Variants in KLHL1 observed in about 807,000 individuals in gnomAD.
KLHL1 encodes the protein kelch-like protein 1.
KLHL1 carries 47 observed loss-of-function variants against 77.7 expected under a neutral mutation model. That is an observed-to-expected ratio of 0.60 (90% CI 0.48 to 0.77). The LOEUF is 0.77. Among genes scored for constraint, KLHL1 ranks in the 30% least tolerant of loss-of-function variants. The pLI, the probability that KLHL1 is intolerant of heterozygous loss-of-function variation, is 0.00. For synonymous variants in KLHL1, 360 were observed against 325.2 expected (o/e 1.11, Z -1.15); for missense variants, 925 against 910.8 (o/e 1.02, Z -0.20).
At chr13:69,781,389 T>A (rs569021504) in intron 7 of KLHL1, among the ~76,000 whole-genome samples, 3 of 151,832 alleles carry the variant, frequency 2.0e-5, no homozygotes, top group African/African-American at 7.3e-5. Context: ...TGAAAATGTC[T>A]TTTTGTTTCT....
chr13:70,076,774 C>T (rs899517423), intron 1 of KLHL1, among the ~76,000 whole-genome samples: 1 of 151,728 alleles, frequency 6.6e-6, no homozygotes, highest in Non-Finnish European at 1.5e-5. Context: ...ACACAAAGAA[C>T]TCCAAAACAC....
chr13:70,107,091 T>G, intron 1 of KLHL1, 112 bp downstream of exon 1: 1 of 1,478,772 alleles, frequency 6.8e-7, no homozygotes, highest in Non-Finnish European at 9.0e-7. Context: ...TGGCATCTCT[T>G]AACCCACATT....
chr13:70,090,996 A>G (rs1273855424), intron 1 of KLHL1, among the ~76,000 whole-genome samples: 1 of 152,020 alleles, frequency 6.6e-6, no homozygotes, highest in Non-Finnish European at 1.5e-5. Context: ...TCTTTCTGTC[A>G]TCAGATCACC....
rs146458526 is a variant in KLHL1, at chr13:69,766,809, G to C, written c.1640-26253C>G. Among the ~76,000 whole-genome samples, 244 of 152,168 alleles carry C rather than the reference G, an allele frequency of 1.6e-3. 5 individuals carry two copies. In the East Asian group the frequency reaches 0.043, roughly 27 times the overall value. ...GGTTATTGTAGAAAAGATAAAACGA[G>C]GTAGCTAGCTGTAGATAGGCAACAA... On this transcript the variant is annotated intron_variant, in intron 7 of 10. Transcript: ENST00000377844.
chr13:69,744,731 T>C (rs74817010), intron 7 of KLHL1, among the ~76,000 whole-genome samples: 31,002 of 151,576 alleles, frequency 0.2, 3,273 homozygotes, highest in South Asian at 0.3. Flanking sequence ...TTTGAACTTA[T>C]AAATTAAGTA....
chr13:69,823,372 G>A (rs1011217199), intron 6 of KLHL1, among the ~76,000 whole-genome samples: 2 of 152,062 alleles, frequency 1.3e-5, no homozygotes, highest in Non-Finnish European at 2.9e-5. Context: ...ATTAAAATAA[G>A]TGAATATCAT....
At chr13:70,009,288 T>A (rs1321738717) in intron 1 of KLHL1, among the ~76,000 whole-genome samples, 4 of 152,096 alleles carry the variant, frequency 2.6e-5, no homozygotes, top group African/African-American at 9.7e-5. Flanking sequence ...ACTCTGGGCA[T>A]GAGGGCAGCT....
At chr13:69,825,366 TATG>T (rs1373285762) in intron 6 of KLHL1, among the ~76,000 whole-genome samples, 3 of 152,102 alleles carry the variant, frequency 2.0e-5, no homozygotes, top group African/African-American at 7.2e-5. Flanking sequence ...AGTGGTAAAA[TATG>T]ATAAAGTTTA....
intron 1 of KLHL1, among the ~76,000 whole-genome samples, chr13:69,988,436 T>C (rs1444435810): frequency 2.0e-5 from 3 of 152,086 alleles, no homozygotes; most frequent in Non-Finnish European, 4.4e-5. Flanking sequence ...TGCATACATG[T>C]GTCTTTATGG....
chr13:69,872,585 CCT>C (rs890926733), intron 5 of KLHL1, among the ~76,000 whole-genome samples: 2 of 152,130 alleles, frequency 1.3e-5, no homozygotes, highest in African/African-American at 2.4e-5. Context: ...CACCCTCTCC[CCT>C]CTCTATCACC....
chr13:69,789,017 CTCTATCTA>C (rs10542087), intron 7 of KLHL1, among the ~76,000 whole-genome samples: 30,139 of 150,308 alleles, frequency 0.2, 3,441 homozygotes, highest in Admixed American at 0.31. Flanking sequence ...CTCCACAGGA[CTCTATCTA>C]TCTATCTATC....
intron 7 of KLHL1, among the ~76,000 whole-genome samples, chr13:69,758,811 T>C (rs1874886525): frequency 1.3e-5 from 2 of 152,284 alleles, no homozygotes; most frequent in South Asian, 4.1e-4. Context: ...ACTGAGTACA[T>C]AATAAACCTA....
chr13:70,059,137 G>A (rs930668484), intron 1 of KLHL1, among the ~76,000 whole-genome samples: 2 of 151,054 alleles, frequency 1.3e-5, no homozygotes, highest in Non-Finnish European at 2.9e-5. Context: ...CCAGGACATG[G>A]GAATGGACAA....
chr13:69,946,487 G>A (rs1883528666), intron 3 of KLHL1, among the ~76,000 whole-genome samples: 4 of 147,860 alleles, frequency 2.7e-5, no homozygotes, highest in Admixed American at 2.7e-4. Flanking sequence ...TTACATTGAG[G>A]ATTGTGATTT....
intron 5 of KLHL1, among the ~76,000 whole-genome samples, chr13:69,850,042 A>G (rs1325058104): frequency 6.6e-6 from 1 of 151,514 alleles, no homozygotes; most frequent in Admixed American, 6.6e-5. Context: ...AGTTGATAGC[A>G]TGTTTATTTT....
At chr13:70,090,574 T>C (rs1323537452) in intron 1 of KLHL1, among the ~76,000 whole-genome samples, 1 of 152,080 alleles carries the variant, frequency 6.6e-6, no homozygotes, top group African/African-American at 2.4e-5. Flanking sequence ...GCACACAATT[T>C]AAAGCTGGCT....
At chr13:70,026,712 G>A (rs200197480) in intron 1 of KLHL1, among the ~76,000 whole-genome samples, 3 of 30,940 alleles carry the variant, frequency 9.7e-5, no homozygotes, top group African/African-American at 1.5e-4. Flanking sequence ...GGGTGTGTGT[G>A]TGTGTGTGTG....
At chr13:69,743,059 A>G (rs1362412200) in intron 7 of KLHL1, among the ~76,000 whole-genome samples, 1 of 152,230 alleles carries the variant, frequency 6.6e-6, no homozygotes, top group Non-Finnish European at 1.5e-5. Context: ...AATTAGATAC[A>G]GAGTAGACTT....
At chr13:70,055,214 G>C (rs1247744154) in intron 1 of KLHL1, among the ~76,000 whole-genome samples, 1 of 152,028 alleles carries the variant, frequency 6.6e-6, no homozygotes, top group African/African-American at 2.4e-5. Flanking sequence ...CAATACATCC[G>C]GCAGCTGACT....
Sources: allele counts gnomAD v4.1 joint callset (sites outside exome capture counted in the v4.1 genomes callset), GRCh38; gene constraint gnomAD v4.1.1; transcripts MANE v1.5; gene names NCBI Gene and HGNC (gene_info 2026-07-23, HGNC 2026-07-21).